The following CKAP5 variants were observed in gnomAD, a reference collection of about 807,000 sequenced individuals.
The protein encoded by CKAP5 is cytoskeleton-associated protein 5.
CKAP5 carries 27 observed loss-of-function variants against 232.8 expected under a neutral mutation model. The ratio of observed to expected loss-of-function variants is 0.12; its 90% CI spans 0.09 to 0.16. CKAP5 has a LOEUF of 0.16. Among genes scored for constraint, CKAP5 ranks in the 10% least tolerant of loss-of-function variants. The pLI is 1.00. For synonymous variants in CKAP5, 785 were observed against 841.1 expected, an observed-to-expected ratio of 0.93 and a Z score of 1.16; for missense variants, 1,838 against 2,424.7, an observed-to-expected ratio of 0.76 and a Z score of 5.08.
intron 1 of CKAP5, among the ~76,000 whole-genome samples, chr11:46,839,692 T>C (rs977488126): frequency 1.3e-5 from 2 of 152,168 alleles, no homozygotes; most frequent in African/African-American, 4.8e-5. Flanking sequence ...CTACTTCACG[T>C]AGTACAATCA....
intron 1 of CKAP5, among the ~76,000 whole-genome samples, chr11:46,828,137 GA>G (rs1195323135): frequency 2.6e-5 from 4 of 151,462 alleles, no homozygotes; most frequent in African/African-American, 9.7e-5. Flanking sequence ...AGAAATTTAA[GA>G]ATCCAAAGAA....
chr11:46,743,711 G>A lies in CKAP5; in HGVS notation c.*312C>T. On this transcript the variant is annotated 3_prime_UTR_variant, in exon 44 of 44. Coordinates refer to ENST00000529230, the MANE Select transcript of CKAP5 (RefSeq NM_001008938.4). ...CTATTAAAAAGCTAGGAAAGATTAG[G>A]ACAATTTTACAAATGAGCAATTAAA... 1 of 313,922 alleles carries A rather than the reference G, an allele frequency of 3.2e-6. No individual in the cohort carries two copies. Among genetic ancestry groups the A allele is most frequent in the Non-Finnish European group, 5.9e-6 (1 of 169,358 alleles). 19.4% of individuals were successfully genotyped at this position (313,922 alleles called of 1,614,324 possible).
chr11:46,839,214 G>A (rs549383210), intron 1 of CKAP5, among the ~76,000 whole-genome samples: 2 of 152,340 alleles, frequency 1.3e-5, no homozygotes, highest in South Asian at 4.1e-4. Context: ...TTAAGGAGAT[G>A]ACATTTAAGT....
At position 46,744,028 on chromosome 11, in the gene CKAP5, T is replaced by C; in HGVS notation, c.6094A>G (p.Lys2032Glu). 1 of 1,612,730 alleles carries C rather than the reference T, an allele frequency of 6.2e-7. No individual in the cohort carries two copies. The highest frequency in any genetic ancestry group is 8.5e-7 in the Non-Finnish European group (1 of 1,180,036). Residue 2032 changes from lysine (K) to glutamate (E), a missense_variant, in exon 44 of 44, where the codon AAA becomes GAA. Lys to Glu is a moderately conservative substitution (Grantham distance 56, BLOSUM62 1). Transcript: ENST00000529230. ...KRLERIKSSR[K>E] is the part of the protein sequence containing the mutation. ...GCCGGGGGAGTGGGGCAGCTTCATT[T>C]GCGACTGCTCTTTATTCTCTCCAGT... is the stretch of plus-strand genomic sequence containing the variant.
intron 1 of CKAP5, among the ~76,000 whole-genome samples, chr11:46,834,169 A>AT (rs999206310): frequency 5.3e-5 from 8 of 152,072 alleles, no homozygotes; most frequent in African/African-American, 1.9e-4. Context: ...TCATTGAGAG[A>AT]TTTTAGGTTG....
chr11:46,821,497 T>A (rs1428039199), intron 1 of CKAP5, among the ~76,000 whole-genome samples: 2 of 139,498 alleles, frequency 1.4e-5, no homozygotes, highest in Admixed American at 8.0e-5. Flanking sequence ...CGATCTCCGC[T>A]TACTGCAAGC....
intron 2 of CKAP5, 144 bp downstream of exon 2, chr11:46,821,031 C>A: frequency 1.7e-6 from 1 of 594,484 alleles, no homozygotes; most frequent in South Asian, 2.4e-5. Flanking sequence ...AACCTATTTT[C>A]AATGAGAAAA....
Position 46,801,358 on chromosome 11 carries a change from A to G in CKAP5, c.979-54T>C, listed in dbSNP as rs906078137. On this transcript the variant is annotated intron_variant, in intron 8 of 43. Coordinates refer to ENST00000529230, the MANE Select transcript of CKAP5 (RefSeq NM_001008938.4). ...AATAGTCACAGCCATGTAGAAGGGTATTGAAATTTTATTCTCAAAAGAACT... is the reference window on the plus strand; with the variant it reads ...AATAGTCACAGCCATGTAGAAGGGTGTTGAAATTTTATTCTCAAAAGAACT... The G allele has an allele frequency of 5.9e-6, 8 of 1,366,172 alleles. No homozygotes were observed. The African/African-American group carries it at 8.6e-5, about 15-fold the overall frequency. The allele number at this position is 1,366,172 out of a possible 1,614,324, so 84.6% of individuals were successfully genotyped here.
chr11:46,810,144 G>GT (rs1290943217), intron 5 of CKAP5, among the ~76,000 whole-genome samples: 1 of 151,902 alleles, frequency 6.6e-6, no homozygotes, highest in Admixed American at 6.6e-5. Context: ...GCTAATTTTT[G>GT]TATTTTTAAT....
At chr11:46,772,542 C>T (rs1309478904) in intron 24 of CKAP5, among the ~76,000 whole-genome samples, 1 of 152,126 alleles carries the variant, frequency 6.6e-6, no homozygotes, top group Non-Finnish European at 1.5e-5. Flanking sequence ...GTTGAAAAGA[C>T]TATACTTCCT....
At chr11:46,812,329 C>T (rs114686216) in intron 4 of CKAP5, among the ~76,000 whole-genome samples, 3,387 of 151,222 alleles carry the variant, frequency 0.022, 122 homozygotes, top group African/African-American at 0.078. Flanking sequence ...AGCAAGGTTC[C>T]GTCTCAAAAA....
At position 46,778,669 on chromosome 11, in the gene CKAP5, G is replaced by A. The variant is rs572763331; in HGVS notation, c.2434-70C>T. On this transcript the variant is annotated intron_variant, in intron 20 of 43. Transcript: ENST00000529230. ...TATGGGAACAAACAAATTAGAGAGG[G>A]TGCCTGTGTCAAACTCTCATTCCTT... 22 of 1,317,146 alleles carry A rather than the reference G, an allele frequency of 1.7e-5. No individual in the cohort carries two copies. The South Asian group carries it at 2.6e-4, about 16-fold the overall frequency. 81.6% of individuals were successfully genotyped at this position (1,317,146 alleles called of 1,614,324 possible). A position where few individuals can be genotyped will look rare whatever the true frequency, so the allele number is the denominator to read the frequency against.
chr11:46,765,044 A>C lies in CKAP5; in HGVS notation c.3537+87T>G, dbSNP rs2065189930. The C allele has an allele frequency of 1.4e-5, 17 of 1,258,822 alleles. No homozygotes were observed. The South Asian group carries it at 2.6e-4, about 19-fold the overall frequency. 78.0% of individuals were successfully genotyped at this position (1,258,822 alleles called of 1,614,324 possible). A position where few individuals can be genotyped will look rare whatever the true frequency, so the allele number is the denominator to read the frequency against. Reference sequence around the variant, plus strand: ...AAGAAACACTTAATTCCTAGATATTAAACAATAACATGAATTCAGACAGCA... The same window carrying C: ...AAGAAACACTTAATTCCTAGATATTCAACAATAACATGAATTCAGACAGCA... On this transcript the variant is annotated intron_variant, in intron 28 of 43. Coordinates refer to ENST00000529230, the MANE Select transcript of CKAP5 (RefSeq NM_001008938.4).
chr11:46,751,630 GA>G, intron 38 of CKAP5, 96 bp from the exon 39 acceptor site: 1 of 1,035,146 alleles, frequency 9.7e-7, no homozygotes, highest in Non-Finnish European at 1.4e-6. Flanking sequence ...ACTTCTAAAA[GA>G]TGGCCAGGGC....
At chr11:46,817,771 T>A (rs950270916) in intron 3 of CKAP5, among the ~76,000 whole-genome samples, 2 of 152,144 alleles carry the variant, frequency 1.3e-5, no homozygotes, top group African/African-American at 4.8e-5. Context: ...ACTAGAAATC[T>A]GTCATTCACA....
Position 46,767,601 on chromosome 11 carries a change from C to A in CKAP5, c.3385G>T (p.Ala1129Ser). The change falls in exon 27 of 44, where the codon GCT (alanine) becomes TCT (serine). Residue 1129 changes from alanine to serine, a missense_variant. By Grantham distance (99) the Ala-to-Ser change is moderately conservative (BLOSUM62 1). Transcript: ENST00000529230. ...EPKPDPKKAK[A>S]PGLSSKAKSA... The stretch of plus-strand genomic sequence containing the variant: ...TTTGCTTTAGAGGATAATCCTGGAG[C>A]TTTGGCCTTTTTTGGATCAGGTTTG... 1 of 1,612,414 alleles carries A rather than the reference C, an allele frequency of 6.2e-7. No homozygotes were observed. Among genetic ancestry groups the A allele is most frequent in the Non-Finnish European group, 8.5e-7 (1 of 1,178,986 alleles).
chr11:46,758,960 C>A lies in CKAP5; in HGVS notation c.4652G>T (p.Ser1551Ile), dbSNP rs150937469. The change falls in exon 35 of 44, where the codon AGT becomes ATT. Residue 1551 changes from serine to isoleucine, a missense_variant. By Grantham distance (142) the Ser-to-Ile change is moderately radical. Around this residue, in one of 6 missense-constraint regions of CKAP5, gnomAD observed 579 missense variants for 843.2 expected, o/e 0.69. Transcript: ENST00000529230. ...TTGGATACTTGTGTTGATGTCACCA[C>A]TGGCTACTTGGGAGATAATGAAATT... is the stretch of plus-strand genomic sequence containing the variant. ...TINFIISQVA[S>I]GDINTSIQAL... is the part of the protein sequence containing the mutation. 5.0e-6 allele frequency: 8 copies of A among 1,613,758 alleles called. No homozygotes were observed. The African/African-American group carries it at 9.4e-5, about 19-fold the overall frequency.
intron 42 of CKAP5, among the ~76,000 whole-genome samples, chr11:46,745,572 G>GT (rs1177008108): frequency 6.6e-6 from 1 of 152,150 alleles, no homozygotes; most frequent in African/African-American, 2.4e-5. Context: ...ACCATGGTAT[G>GT]TTTACATGTG....
In CKAP5 at chr11:46,778,280, A is replaced by C; in HGVS notation, c.2607T>G (p.Ile869Met). The C allele has an allele frequency of 6.2e-7, 1 of 1,613,842 alleles. No individual in the cohort carries two copies. The highest frequency in any genetic ancestry group is 2.2e-5 in the East Asian group (1 of 44,862). ...DKITSELVSK[I>M]GDKNWKIRKE... ...TCCTAATCTTCCAATTCTTATCACCAATCTTAGATACCAACTCTGAAGTGA... is the reference window on the plus strand; with the variant it reads ...TCCTAATCTTCCAATTCTTATCACCCATCTTAGATACCAACTCTGAAGTGA... The change falls in exon 22 of 44, where the codon ATT (isoleucine) becomes ATG (methionine). Residue 869 changes from isoleucine to methionine, a missense_variant. Physicochemically the swap from Ile to Met is conservative, Grantham distance 10 (BLOSUM62 1). Coordinates refer to ENST00000529230, the MANE Select transcript of CKAP5 (RefSeq NM_001008938.4).
Sources: allele counts gnomAD v4.1 joint callset (sites outside exome capture counted in the v4.1 genomes callset), GRCh38; gene constraint gnomAD v4.1.1; regional missense constraint gnomAD v4.1.1; transcripts MANE v1.5; gene names NCBI Gene and HGNC (gene_info 2026-07-23, HGNC 2026-07-21).